The following RALGDS variants were observed in gnomAD, a reference collection of about 807,000 sequenced individuals.
RALGDS encodes ral guanine nucleotide exchange factor.
Under a neutral mutation model 99.8 loss-of-function variants are expected in RALGDS, and 44 were observed. The ratio of observed to expected loss-of-function variants is 0.44; its 90% CI spans 0.35 to 0.57. The LOEUF is 0.57. Ranked by LOEUF, RALGDS falls within the 20% of genes least tolerant of loss-of-function variation. The probability of loss-of-function intolerance (pLI) is 0.01; values close to 1 mark genes in which losing one functional copy is unlikely to be tolerated. For synonymous variants in RALGDS, 529 were observed against 505.0 expected (o/e 1.05, Z -0.64); for missense variants, 1,022 against 1,203.1 (o/e 0.85, Z 2.23).
intron 8 of RALGDS, 42 bp from the exon 9 acceptor site, chr9:133,106,058 T>A (rs1218031653): frequency 2.7e-6 from 4 of 1,493,756 alleles, no homozygotes; most frequent in Non-Finnish European, 3.7e-6. Context: ...CTGGGAATGG[T>A]AGGGAGGGGT....
chr9:133,131,953 TGAG>T (rs2119253142), upstream of RALGDS, among the ~76,000 whole-genome samples: 1 of 152,328 alleles, frequency 6.6e-6, no homozygotes, highest in African/African-American at 2.4e-5. Flanking sequence ...CAGTGGGGAT[TGAG>T]GAGTTCAGGT....
chr9:133,100,313 C>G lies in RALGDS; in HGVS notation c.2524G>C (p.Glu842Gln). ...AMDKHNLEEE[E>Q]PEDYELLQIL... The stretch of plus-strand genomic sequence containing the variant: ...TGCAGCAGCTCATAGTCCTCCGGCT[C>G]CTCCTCCTCCAGGTTGTGTTTGTCC... The change falls in exon 17 of 18, where the codon GAG becomes CAG. Residue 842 changes from glutamate to glutamine, a missense_variant. By Grantham distance (29) the Glu-to-Gln change is conservative (BLOSUM62 2). Around this residue, in one of 3 missense-constraint regions of RALGDS, gnomAD observed 825 missense variants for 994.5 expected, o/e 0.83. Coordinates refer to ENST00000372050, the MANE Select transcript of RALGDS (RefSeq NM_006266.4). The G allele has an allele frequency of 6.2e-7, 1 of 1,614,120 alleles. No homozygotes were observed. Among genetic ancestry groups the G allele is most frequent in the Non-Finnish European group, 8.5e-7 (1 of 1,179,936 alleles).
chr9:133,097,766 C>T lies in RALGDS; in HGVS notation c.*821G>A, dbSNP rs546261115. ...ATATAATATTCAAGTCTAGCATTTGCTATTTACAACAAATAAATATTGCCC... is the reference window on the plus strand; with the variant it reads ...ATATAATATTCAAGTCTAGCATTTGTTATTTACAACAAATAAATATTGCCC... On this transcript the variant is annotated 3_prime_UTR_variant, in exon 18 of 18. Transcript: ENST00000372050. 32 of 217,222 alleles carry T rather than the reference C, an allele frequency of 1.5e-4. No individual in the cohort carries two copies. The East Asian group carries it at 2.2e-3, about 15-fold the overall frequency. The allele number at this position is 217,222 out of a possible 1,614,324, so 13.5% of individuals were successfully genotyped here. A position where few individuals can be genotyped will look rare whatever the true frequency, so the allele number is the denominator to read the frequency against.
At chr9:133,100,685 G>T in intron 16 of RALGDS, 1 of 1,267,940 alleles carries the variant, frequency 7.9e-7, no homozygotes, top group African/African-American at 1.5e-5. Flanking sequence ...AGAAGCACTT[G>T]CCCCTCCAGG....
In RALGDS at chr9:133,107,129, G is replaced by A; in HGVS notation, c.1369C>T (p.Pro457Ser). ...TGCTCCACCACCCTGGCCCTGTCTG[G>A]GGCTTTCGTGCTTCGGTTCCCGAGG... ...TCLGNRSTKA[P>S]DRARVVEHWI... is the part of the protein sequence containing the mutation. Residue 457 changes from proline (P) to serine (S), a missense_variant, in exon 7 of 18, where the codon CCA (proline) becomes TCA (serine). Around this residue, in one of 3 missense-constraint regions of RALGDS, gnomAD observed 825 missense variants for 994.5 expected, o/e 0.83. Coordinates refer to ENST00000372050, the MANE Select transcript of RALGDS (RefSeq NM_006266.4). 1 of 1,613,742 alleles carries A rather than the reference G, an allele frequency of 6.2e-7. No individual in the cohort carries two copies. The highest frequency in any genetic ancestry group is 8.5e-7 in the Non-Finnish European group (1 of 1,180,050).
At position 133,099,601 on chromosome 9, in the gene RALGDS, CATAT is replaced by C. The variant is rs538843840; in HGVS notation, c.2569+663_2569+666del. The C allele has an allele frequency of 7.7e-3, 1,200 of 155,256 alleles. 11 individuals are homozygous for C. The highest frequency in any genetic ancestry group is 0.017 in the Middle Eastern group (5 of 300). The allele number at this position is 155,256 out of a possible 1,614,324, so 9.6% of individuals were successfully genotyped here. A position where few individuals can be genotyped will look rare whatever the true frequency, so the allele number is the denominator to read the frequency against. ...ATATATATACACACACATATACATG[CATAT>C]ATATACACACACATATACATGCATA... On this transcript the variant is annotated intron_variant, in intron 17 of 17. Transcript: ENST00000372050.
chr9:133,131,134 G>A (rs1832321994), upstream of RALGDS: 4 of 1,440,408 alleles, frequency 2.8e-6, no homozygotes, highest in Non-Finnish European at 3.6e-6. Flanking sequence ...GCAGCACCTC[G>A]CTCCCAGCCC....
intron 16 of RALGDS, 193 bp from the exon 17 acceptor site, chr9:133,100,575 T>TC: frequency 6.9e-7 from 1 of 1,454,250 alleles, no homozygotes; most frequent in Non-Finnish European, 9.1e-7. Flanking sequence ...GTCCTTCTGT[T>TC]CCCCATGTGA....
chr9:133,111,944 C>G (rs1831363686), intron 2 of RALGDS, 98 bp downstream of exon 2: 2 of 911,434 alleles, frequency 2.2e-6, no homozygotes, highest in Admixed American at 4.0e-5. Flanking sequence ...GGAGTGAAGG[C>G]CGTTTCCTTT....
chr9:133,104,932 G>A (rs1830944934), intron 9 of RALGDS, among the ~76,000 whole-genome samples: 1 of 152,156 alleles, frequency 6.6e-6, no homozygotes, highest in East Asian at 1.9e-4. Flanking sequence ...CCCCAGGGCT[G>A]GCATTCCTCC....
intron 9 of RALGDS, 103 bp from the exon 10 acceptor site, chr9:133,104,434 G>A: frequency 9.6e-7 from 1 of 1,043,724 alleles, no homozygotes; most frequent in Non-Finnish European, 1.5e-6. Flanking sequence ...GGCTGACCCT[G>A]TATCAATACT....
At chr9:133,100,231 G>GC (rs1275006162) in intron 17 of RALGDS, 37 bp downstream of exon 17, 1 of 1,574,420 alleles carries the variant, frequency 6.4e-7, no homozygotes, top group Admixed American at 1.7e-5. Context: ...GTGTGGACCT[G>GC]CCCCCTCTGC....
intron 1 of RALGDS, among the ~76,000 whole-genome samples, chr9:133,116,465 C>T (rs993523564): frequency 3.3e-5 from 5 of 152,236 alleles, no homozygotes; most frequent in South Asian, 2.1e-4. Flanking sequence ...ATGGGAAAAT[C>T]GTGCCTCAAG....
upstream of RALGDS, chr9:133,131,210 A>G: frequency 8.6e-7 from 1 of 1,161,832 alleles, no homozygotes; most frequent in Non-Finnish European, 1.1e-6. Flanking sequence ...CCAGCTGAGC[A>G]GACAGTTCAG....
chr9:133,125,001 A>G (rs1487716709), upstream of RALGDS, among the ~76,000 whole-genome samples: 1 of 152,264 alleles, frequency 6.6e-6, no homozygotes, highest in Non-Finnish European at 1.5e-5. Flanking sequence ...GGGAACCTCT[A>G]TGGGACAAAC....
rs141036512 is a variant in RALGDS, at chr9:133,098,274, G to A, written c.*313C>T. ...GACCCACACCTGGGAAGGTGTCAGGGAAGTGTACAGAGGTGGCGCCCGGGG... is the reference window on the plus strand; with the variant it reads ...GACCCACACCTGGGAAGGTGTCAGGAAAGTGTACAGAGGTGGCGCCCGGGG... On this transcript the variant is annotated 3_prime_UTR_variant, in exon 18 of 18. Transcript: ENST00000372050. The A allele has an allele frequency of 8.7e-4, 400 of 457,506 alleles. 1 individual carries two copies. The highest frequency in any genetic ancestry group is 4.2e-3 in the East Asian group (107 of 25,568). 28.3% of individuals were successfully genotyped at this position (457,506 alleles called of 1,614,324 possible). A position where few individuals can be genotyped will look rare whatever the true frequency, so the allele number is the denominator to read the frequency against.
At chr9:133,107,338 G>A in intron 6 of RALGDS, 38 bp from the exon 7 acceptor site, 2 of 1,549,906 alleles carry the variant, frequency 1.3e-6, no homozygotes, top group African/African-American at 2.7e-5. Context: ...TCCTGCCCCA[G>A]CAGTCTGGGC....
intron 1 of RALGDS, among the ~76,000 whole-genome samples, chr9:133,119,464 G>A (rs1341483970): frequency 2.0e-5 from 3 of 152,150 alleles, no homozygotes; most frequent in East Asian, 1.9e-4. Flanking sequence ...CTGAGGCTGG[G>A]CAAGGAGCGC....
chr9:133,106,155 C>T, intron 8 of RALGDS, 139 bp from the exon 9 acceptor site: 5 of 699,404 alleles, frequency 7.1e-6, no homozygotes, highest in South Asian at 4.6e-5. Context: ...CACTAACGCT[C>T]TGCAGGTCTG....
Sources: allele counts gnomAD v4.1 joint callset (sites outside exome capture counted in the v4.1 genomes callset), GRCh38; gene constraint gnomAD v4.1.1; regional missense constraint gnomAD v4.1.1; transcripts MANE v1.5; gene names NCBI Gene and HGNC (gene_info 2026-07-23, HGNC 2026-07-21).